Variants in BDP1 observed in about 807,000 individuals in gnomAD.
BDP1 encodes the protein transcription factor TFIIIB component B'' homolog.
In BDP1, 169 loss-of-function variants were observed where a neutral mutation model predicts 266.6. The observed-to-expected ratio is 0.63, with a 90% CI of 0.56 to 0.72. The LOEUF (loss-of-function observed/expected upper bound fraction) is 0.72, where lower values mean the gene tolerates loss of function less well. Ranked by LOEUF, BDP1 falls within the 30% of genes least tolerant of loss-of-function variation. BDP1 has a pLI of 0.00. For synonymous variants in BDP1, 1,090 were observed against 1,022.4 expected (o/e 1.07, Z -1.26); for missense variants, 3,015 against 3,053.8 (o/e 0.99, Z 0.30).
At position 71,564,900 on chromosome 5, in the gene BDP1, T is replaced by C. The variant is rs746616147; in HGVS notation, c.*15T>C. The C allele has an allele frequency of 6.4e-7, 1 of 1,574,460 alleles. No individual in the cohort carries two copies. Among genetic ancestry groups the C allele is most frequent in the East Asian group, 2.2e-5 (1 of 44,476 alleles). On this transcript the variant is annotated 3_prime_UTR_variant, in exon 39 of 39. Transcript: ENST00000358731. ...AAACAGAATAAAACAATCTTTTCTC[T>C]TTTTCTTTTTTAAATTAGGTCTAGG...
At chr5:71,479,682 G>A (rs1377593004) in intron 7 of BDP1, among the ~76,000 whole-genome samples, 2 of 151,130 alleles carry the variant, frequency 1.3e-5, no homozygotes, top group African/African-American at 4.9e-5. Context: ...AAGTAGCTGG[G>A]ACAACAGGCG....
the BDP1 span, among the ~76,000 whole-genome samples, chr5:71,575,862 A>G: frequency 2.0e-5 from 3 of 152,148 alleles, no homozygotes; most frequent in East Asian, 5.8e-4. Flanking sequence ...TATGGCTGAT[A>G]CTCTTTTGGC....
intron 18 of BDP1, among the ~76,000 whole-genome samples, 154 bp downstream of exon 18, chr5:71,512,582 C>T (rs1319786209): frequency 6.6e-6 from 1 of 152,160 alleles, no homozygotes; most frequent in Non-Finnish European, 1.5e-5. Flanking sequence ...GTCACTCTGA[C>T]AGTCAATTGT....
chr5:71,502,973 C>T (rs1222063339), intron 15 of BDP1, among the ~76,000 whole-genome samples, 182 bp downstream of exon 15: 1 of 147,830 alleles, frequency 6.8e-6, no homozygotes, highest in Non-Finnish European at 1.5e-5. Flanking sequence ...ACTGCAACCT[C>T]TGCCACCCAG....
At chr5:71,470,658 G>A (rs955456474) in intron 7 of BDP1, among the ~76,000 whole-genome samples, 169 bp downstream of exon 7, 1 of 150,982 alleles carries the variant, frequency 6.6e-6, no homozygotes, top group Non-Finnish European at 1.5e-5. Flanking sequence ...GCACAGTCTC[G>A]GCTCACTGCA....
In BDP1 at chr5:71,495,239, C is replaced by T; in HGVS notation, c.1641-11C>T. 1 of 1,494,602 alleles carries T rather than the reference C, an allele frequency of 6.7e-7. No homozygotes were observed. Among genetic ancestry groups the T allele is most frequent in the Non-Finnish European group, 9.0e-7 (1 of 1,113,328 alleles). The allele number at this position is 1,494,602 out of a possible 1,614,324, so 92.6% of individuals were successfully genotyped here. ...AATTCTTTTCTCTCTGAAATATTTT[C>T]TTTTTTTTAGTAATCAACAAGATGC... On this transcript the variant is annotated splice_polypyrimidine_tract_variant and intron_variant, in intron 11 of 38. Coordinates refer to ENST00000358731, the MANE Select transcript of BDP1 (RefSeq NM_018429.3).
chr5:71,545,904 G>A (rs1742269370), intron 32 of BDP1, among the ~76,000 whole-genome samples: 1 of 151,828 alleles, frequency 6.6e-6, no homozygotes, highest in Non-Finnish European at 1.5e-5. Flanking sequence ...GGAGGCTGAA[G>A]TGGGAGGATC....
intron 9 of BDP1, among the ~76,000 whole-genome samples, chr5:71,486,862 G>A (rs1406055064): frequency 1.3e-5 from 2 of 152,140 alleles, no homozygotes; most frequent in African/African-American, 2.4e-5. Context: ...TAGCATAGAG[G>A]ATAGTTGTAG....
intron 22 of BDP1, among the ~76,000 whole-genome samples, chr5:71,518,445 CT>C (rs1765332774): frequency 1.3e-5 from 2 of 152,150 alleles, no homozygotes; most frequent in East Asian, 3.9e-4. Context: ...TTTATATTTT[CT>C]TTTTATTATA....
At chr5:71,527,438 CA>C (rs891364155) in intron 25 of BDP1, among the ~76,000 whole-genome samples, 9 of 152,164 alleles carry the variant, frequency 5.9e-5, no homozygotes, top group African/African-American at 2.2e-4. Context: ...CCATTCCTCC[CA>C]CCCCCTAACC....
intron 18 of BDP1, 43 bp from the exon 19 acceptor site, chr5:71,513,142 C>A: frequency 7.1e-7 from 1 of 1,399,768 alleles, no homozygotes; most frequent in Non-Finnish European, 1.0e-6. Context: ...TTTCCACTGC[C>A]CCTTCAGTTC....
Position 71,499,130 on chromosome 5 carries a change from C to T in BDP1, c.1956+1704C>T, listed in dbSNP as rs911575129. ...TTGTTTTGTTTTTGAGACGGAGTCT[C>T]GCCCTGTCGCCCAGGCTGTGGTGCG... is the stretch of plus-strand genomic sequence containing the variant. On this transcript the variant is annotated intron_variant, in intron 13 of 38. Transcript: ENST00000358731. Among the ~76,000 whole-genome samples the T allele has an allele frequency of 5.9e-5, 9 of 152,020 alleles. No homozygotes were observed. In the East Asian group the frequency reaches 1.4e-3, roughly 23 times the overall value.
At chr5:71,486,378 C>G in intron 8 of BDP1, 106 bp from the exon 9 acceptor site, 1 of 915,572 alleles carries the variant, frequency 1.1e-6, no homozygotes, top group Non-Finnish European at 1.6e-6. Flanking sequence ...TTCTGTTCTC[C>G]TACTGATAAA....
chr5:71,541,961 G>T, intron 29 of BDP1, 144 bp from the exon 30 acceptor site: 2 of 655,678 alleles, frequency 3.1e-6, no homozygotes, highest in Non-Finnish European at 5.0e-6. Flanking sequence ...TTACTACTTT[G>T]TAATTTTAGT....
chr5:71,550,829 C>A (rs1002070648), intron 34 of BDP1, among the ~76,000 whole-genome samples: 6 of 152,212 alleles, frequency 3.9e-5, no homozygotes, highest in Admixed American at 3.9e-4. Flanking sequence ...CCTAAGCCTC[C>A]CAAGTAGCTG....
intron 25 of BDP1, among the ~76,000 whole-genome samples, chr5:71,531,846 T>C (rs1766266266): frequency 6.6e-6 from 1 of 152,210 alleles, no homozygotes; most frequent in African/African-American, 2.4e-5. Context: ...TCATTATAGA[T>C]AGCATTTATG....
intron 2 of BDP1, 59 bp downstream of exon 2, chr5:71,458,914 T>C (rs1761367405): frequency 1.3e-6 from 2 of 1,513,080 alleles, no homozygotes; most frequent in Non-Finnish European, 1.8e-6. Flanking sequence ...TAAGGAATCA[T>C]TGGGAAGAAA....
intron 38 of BDP1, among the ~76,000 whole-genome samples, chr5:71,564,403 A>G (rs563311811): frequency 6.6e-6 from 1 of 151,846 alleles, no homozygotes; most frequent in South Asian, 2.1e-4. Context: ...CTTTATTAAA[A>G]TTTTTCATGG....
At chr5:71,518,115 C>G (rs1765315142) in intron 22 of BDP1, among the ~76,000 whole-genome samples, 1 of 152,076 alleles carries the variant, frequency 6.6e-6, no homozygotes, top group Admixed American at 6.6e-5. Flanking sequence ...TGCTATCTGC[C>G]TTCTTATTAT....
Sources: gnomAD v4.1 joint callset for allele counts (sites outside exome capture counted in the v4.1 genomes callset) on GRCh38, gnomAD v4.1.1 for gene constraint, MANE v1.5 for transcripts, NCBI Gene and HGNC (gene_info 2026-07-23, HGNC 2026-07-21) for gene names.